PTPRK: variants seen among roughly 807,000 people sequenced by gnomAD.
PTPRK encodes receptor-type tyrosine-protein phosphatase kappa.
In PTPRK, 75 loss-of-function variants were observed where a neutral mutation model predicts 178.0. The ratio of observed to expected loss-of-function variants is 0.42; its 90% confidence interval spans 0.35 to 0.51. The LOEUF is 0.51. Among genes scored for constraint, PTPRK ranks in the 20% least tolerant of loss-of-function variants. PTPRK has a pLI of 0.02. For synonymous variants in PTPRK, 637 were observed against 620.6 expected, an observed-to-expected ratio of 1.03 and a Z score of -0.39; for missense variants, 1,441 against 1,797.8, an observed-to-expected ratio of 0.80 and a Z score of 3.59.
chr6:128,432,025 G>A (rs1410066896), intron 1 of PTPRK, among the ~76,000 whole-genome samples: 3 of 152,076 alleles, frequency 2.0e-5, no homozygotes, highest in African/African-American at 7.2e-5. Context: ...GAGAAAGGAA[G>A]GAAGGAAGAG....
intron 6 of PTPRK, among the ~76,000 whole-genome samples, chr6:128,205,355 C>G (rs530940760): frequency 6.6e-6 from 1 of 152,060 alleles, no homozygotes; most frequent in East Asian, 1.9e-4. Context: ...TGCAGCAAAC[C>G]ACCATGGGAC....
At chr6:128,149,385 A>G (rs1796951664) in intron 7 of PTPRK, among the ~76,000 whole-genome samples, 1 of 152,182 alleles carries the variant, frequency 6.6e-6, no homozygotes, top group Non-Finnish European at 1.5e-5. Flanking sequence ...GAATAAATAT[A>G]TTAAACCTGA....
intron 3 of PTPRK, among the ~76,000 whole-genome samples, chr6:128,288,605 T>C (rs1347053442): frequency 1.3e-5 from 2 of 152,140 alleles, no homozygotes; most frequent in African/African-American, 4.8e-5. Flanking sequence ...TTTAGACATC[T>C]GGTTCTGCTT....
intron 2 of PTPRK, among the ~76,000 whole-genome samples, chr6:128,391,336 C>T (rs1167205277): frequency 1.3e-5 from 2 of 152,112 alleles, no homozygotes; most frequent in African/African-American, 4.8e-5. Flanking sequence ...CTTAGGACAA[C>T]TGCACATGTT....
intron 1 of PTPRK, among the ~76,000 whole-genome samples, chr6:128,488,313 G>T (rs1391115903): frequency 6.6e-6 from 1 of 152,172 alleles, no homozygotes; most frequent in Non-Finnish European, 1.5e-5. Context: ...TGATTAGGTG[G>T]TGTCCACCCA....
chr6:128,157,710 A>C (rs1402621605), intron 7 of PTPRK, among the ~76,000 whole-genome samples: 1 of 151,964 alleles, frequency 6.6e-6, no homozygotes, highest in Admixed American at 6.6e-5. Flanking sequence ...ACATTTTTTC[A>C]TGTGTCTACT....
intron 7 of PTPRK, among the ~76,000 whole-genome samples, chr6:128,140,598 G>C (rs1795640200): frequency 6.6e-6 from 1 of 151,756 alleles, no homozygotes; most frequent in Non-Finnish European, 1.5e-5. Context: ...TTTCAAGAAA[G>C]AGTGAATTAT....
chr6:128,475,244 T>C (rs1023179787), intron 1 of PTPRK, among the ~76,000 whole-genome samples: 1 of 152,102 alleles, frequency 6.6e-6, no homozygotes, highest in African/African-American at 2.4e-5. Context: ...ATTTAGTTGC[T>C]GTTTGGATTA....
chr6:128,201,222 G>A (rs980283131), intron 6 of PTPRK, among the ~76,000 whole-genome samples: 2 of 152,156 alleles, frequency 1.3e-5, no homozygotes, highest in East Asian at 1.9e-4. Context: ...TTTTCTTAGC[G>A]CTACAAAGGC....
intron 7 of PTPRK, among the ~76,000 whole-genome samples, chr6:128,145,038 T>C (rs1008633156): frequency 3.9e-5 from 6 of 152,140 alleles, no homozygotes; most frequent in African/African-American, 7.2e-5. Context: ...CAAAGTTGAC[T>C]TTCCAACAGC....
intron 7 of PTPRK, among the ~76,000 whole-genome samples, chr6:128,160,458 G>C (rs1017171218): frequency 5.3e-5 from 8 of 151,700 alleles, no homozygotes; most frequent in Non-Finnish European, 7.4e-5. Flanking sequence ...ATGATACAAA[G>C]TGGATGAACA....
intron 11 of PTPRK, among the ~76,000 whole-genome samples, chr6:128,077,736 G>GT: frequency 6.6e-6 from 1 of 151,960 alleles, no homozygotes; most frequent in East Asian, 1.9e-4. Context: ...ATGGAAACTT[G>GT]TTTAAGTTTT....
At chr6:128,507,611 G>A (rs1856566192) in intron 1 of PTPRK, among the ~76,000 whole-genome samples, 1 of 152,106 alleles carries the variant, frequency 6.6e-6, no homozygotes, top group African/African-American at 2.4e-5. Flanking sequence ...CACTAGACAG[G>A]GCAATGGGCT....
chr6:128,393,800 T>C (rs558812515), intron 2 of PTPRK, among the ~76,000 whole-genome samples: 82 of 152,296 alleles, frequency 5.4e-4, no homozygotes, highest in African/African-American at 1.9e-3. Context: ...TATTTTAGTT[T>C]CCCAGCCTTG....
chr6:128,288,760 C>T (rs915758292), intron 3 of PTPRK, among the ~76,000 whole-genome samples: 4 of 152,128 alleles, frequency 2.6e-5, no homozygotes, highest in African/African-American at 4.8e-5. Flanking sequence ...TCCCCCTTCA[C>T]ACTCTATAGT....
At chr6:128,328,459 T>C (rs1420549325) in intron 2 of PTPRK, among the ~76,000 whole-genome samples, 1 of 152,198 alleles carries the variant, frequency 6.6e-6, no homozygotes, top group Non-Finnish European at 1.5e-5. Context: ...TAACTATATG[T>C]GAGATAAATT....
At chr6:128,028,691 G>A (rs1198115760) in intron 13 of PTPRK, among the ~76,000 whole-genome samples, 1 of 152,172 alleles carries the variant, frequency 6.6e-6, no homozygotes, top group Non-Finnish European at 1.5e-5. Flanking sequence ...CTTCTTGAGA[G>A]CATGGAACAT....
chr6:128,251,093 A>C (rs1455152829), intron 3 of PTPRK, among the ~76,000 whole-genome samples: 1 of 152,212 alleles, frequency 6.6e-6, no homozygotes, highest in Non-Finnish European at 1.5e-5. Context: ...TGAGACTCTG[A>C]AACTGATGAA....
intron 1 of PTPRK, among the ~76,000 whole-genome samples, chr6:128,486,596 G>A (rs932213727): frequency 2.6e-5 from 4 of 152,086 alleles, no homozygotes; most frequent in African/African-American, 7.2e-5. Context: ...TTGAACTCAG[G>A]AGTTCAAGAC....
Sources: gnomAD v4.1 joint callset for allele counts (sites outside exome capture counted in the v4.1 genomes callset) on GRCh38, gnomAD v4.1.1 for gene constraint, MANE v1.5 for transcripts, NCBI Gene and HGNC (gene_info 2026-07-23, HGNC 2026-07-21) for gene names.